The following CTNNA2 variants were observed in gnomAD, a reference collection of about 807,000 sequenced individuals.
CTNNA2 encodes catenin alpha 2.
In CTNNA2, 42 loss-of-function variants were observed where a neutral mutation model predicts 101.0. That is an observed-to-expected ratio of 0.42 (90% CI 0.32 to 0.54). The LOEUF is 0.54. Ranked by LOEUF, CTNNA2 falls within the 20% of genes least tolerant of loss-of-function variation. The pLI, the probability that CTNNA2 is intolerant of heterozygous loss-of-function variation, is 0.14. For synonymous variants in CTNNA2, 450 were observed against 456.4 expected (o/e 0.99, Z 0.18); for missense variants, 871 against 1,223.1 (o/e 0.71, Z 4.29).
At chr2:80,181,089 A>C (rs1254229793) in intron 7 of CTNNA2, among the ~76,000 whole-genome samples, 2 of 152,128 alleles carry the variant, frequency 1.3e-5, no homozygotes, top group East Asian at 3.9e-4. Flanking sequence ...AGTGTAGTGC[A>C]CTTCCTCATG....
chr2:80,047,399 T>C (rs1696601040), intron 7 of CTNNA2, among the ~76,000 whole-genome samples: 1 of 152,166 alleles, frequency 6.6e-6, no homozygotes, highest in South Asian at 2.1e-4. Context: ...AGGAGAGCAC[T>C]GATGTAGGCA....
chr2:80,085,664 C>T (rs1699394682), intron 7 of CTNNA2, among the ~76,000 whole-genome samples: 1 of 151,894 alleles, frequency 6.6e-6, no homozygotes. Flanking sequence ...CTATTTTCTG[C>T]ATGTTGTCTG....
chr2:80,342,989 T>A (rs1252961515), intron 7 of CTNNA2, among the ~76,000 whole-genome samples: 1 of 152,184 alleles, frequency 6.6e-6, no homozygotes, highest in Non-Finnish European at 1.5e-5. Context: ...GGTGGTGATC[T>A]CCCTGTGTCC....
chr2:80,149,029 T>TA (rs113230442), intron 7 of CTNNA2, among the ~76,000 whole-genome samples: 1 of 138,118 alleles, frequency 7.2e-6, no homozygotes, highest in South Asian at 2.1e-4. Context: ...TGTTATTTTT[T>TA]TTTTTTTTTT....
chr2:79,799,818 G>A (rs987011212), intron 3 of CTNNA2, among the ~76,000 whole-genome samples: 1 of 152,066 alleles, frequency 6.6e-6, no homozygotes, highest in African/African-American at 2.4e-5. Flanking sequence ...TTATGAAAAT[G>A]TATTTTATTT....
chr2:79,536,574 A>AGTATGTGTGTGTGTGTTT (rs34403615), intron 1 of CTNNA2, among the ~76,000 whole-genome samples: 1 of 146,714 alleles, frequency 6.8e-6, no homozygotes, highest in African/African-American at 2.5e-5. Context: ...TCTCTAAAGA[A>AGTATGTGTGTGTGTGTTT]GTGTGTGTGT....
intron 7 of CTNNA2, among the ~76,000 whole-genome samples, chr2:79,955,305 A>G (rs1293632442): frequency 6.6e-6 from 1 of 152,198 alleles, no homozygotes; most frequent in Non-Finnish European, 1.5e-5. Flanking sequence ...AGAAGCCAGA[A>G]AAAAATTAAA....
intron 9 of CTNNA2, among the ~76,000 whole-genome samples, chr2:80,484,962 T>TCAC (rs1559147740): frequency 3.3e-5 from 5 of 152,086 alleles, no homozygotes; most frequent in East Asian, 1.9e-4. Flanking sequence ...GCCGAGACTG[T>TCAC]GCCACTGCAT....
intron 7 of CTNNA2, among the ~76,000 whole-genome samples, chr2:79,929,369 A>G (rs759582830): frequency 6.6e-6 from 1 of 152,188 alleles, no homozygotes; most frequent in African/African-American, 2.4e-5. Flanking sequence ...TTTGTAAAAG[A>G]AAAAAAGGGA....
chr2:80,325,015 T>C (rs1379378267), intron 7 of CTNNA2, among the ~76,000 whole-genome samples: 1 of 152,192 alleles, frequency 6.6e-6, no homozygotes, highest in Non-Finnish European at 1.5e-5. Context: ...TGTATGTATA[T>C]TTCTCTCTCT....
At chr2:80,327,039 C>T (rs996291688) in intron 7 of CTNNA2, among the ~76,000 whole-genome samples, 14 of 152,184 alleles carry the variant, frequency 9.2e-5, no homozygotes, top group African/African-American at 3.4e-4. Context: ...CCAGTCTTTG[C>T]TCCCACCACT....
At chr2:80,316,087 TGATA>T (rs1678093059) in intron 7 of CTNNA2, among the ~76,000 whole-genome samples, 1 of 152,206 alleles carries the variant, frequency 6.6e-6, no homozygotes, top group Non-Finnish European at 1.5e-5. Flanking sequence ...TCTTGTTGAG[TGATA>T]GATCTTTGAT....
intron 6 of CTNNA2, among the ~76,000 whole-genome samples, chr2:79,876,779 G>GA (rs1683053973): frequency 6.6e-6 from 1 of 152,098 alleles, no homozygotes; most frequent in South Asian, 2.1e-4. Context: ...GTCATGTGGG[G>GA]AAAATCTATT....
Position 80,529,245 on chromosome 2 carries a change from G to A in CTNNA2, c.1291-15737G>A, listed in dbSNP as rs188999720. On this transcript the variant is annotated intron_variant, in intron 9 of 18. Coordinates refer to ENST00000402739, the MANE Select transcript of CTNNA2 (RefSeq NM_001282597.3). ...GTCTCACAGATTTTTCTGTATGTAG[G>A]TGTTTTAACCGCCCTTTATAAGTGT... Among the ~76,000 whole-genome samples the A allele has an allele frequency of 1.2e-4, 18 of 152,206 alleles. 2 individuals are homozygous for A. Among genetic ancestry groups the A allele is most frequent in the African/African-American group, 4.3e-4 (18 of 41,518 alleles).
At chr2:79,263,486 C>G (rs1202944394) in intron 2 of CTNNA2, among the ~76,000 whole-genome samples, 1 of 152,172 alleles carries the variant, frequency 6.6e-6, no homozygotes, top group Non-Finnish European at 1.5e-5. Flanking sequence ...GCTGGCACCA[C>G]ACTTCCTGTA....
intron 7 of CTNNA2, among the ~76,000 whole-genome samples, chr2:80,010,715 AC>A (rs1335515552): frequency 2.0e-5 from 2 of 98,980 alleles, no homozygotes; most frequent in Non-Finnish European, 5.3e-5. Context: ...TTTGCCATTC[AC>A]TTTTTTTTTT....
At chr2:79,220,663 T>G (rs912532615) in intron 2 of CTNNA2, among the ~76,000 whole-genome samples, 2 of 152,142 alleles carry the variant, frequency 1.3e-5, no homozygotes, top group African/African-American at 4.8e-5. Context: ...TAGAAAACCT[T>G]AAAGGTTGGC....
chr2:79,332,463 G>A (rs758332371), intron 3 of CTNNA2, among the ~76,000 whole-genome samples: 2 of 152,138 alleles, frequency 1.3e-5, no homozygotes, highest in Non-Finnish European at 2.9e-5. Context: ...AAGGTGGAGA[G>A]GGTCTCCTCC....
chr2:79,688,968 A>G (rs763916872), intron 2 of CTNNA2, among the ~76,000 whole-genome samples: 20 of 151,954 alleles, frequency 1.3e-4, no homozygotes, highest in African/African-American at 1.9e-4. Context: ...GAAAGATTCA[A>G]TGGCTGGGGG....
Sources: allele counts gnomAD v4.1 joint callset (sites outside exome capture counted in the v4.1 genomes callset), GRCh38; gene constraint gnomAD v4.1.1; transcripts MANE v1.5; gene names NCBI Gene and HGNC (gene_info 2026-07-23, HGNC 2026-07-21).